Variants in GTF2E2 observed in about 807,000 individuals in gnomAD.
The protein encoded by GTF2E2 is transcription initiation factor IIE subunit beta.
GTF2E2 carries 21 observed loss-of-function variants against 40.5 expected under a neutral mutation model. The ratio of observed to expected loss-of-function variants is 0.52; its 90% confidence interval spans 0.37 to 0.75. GTF2E2 has a LOEUF of 0.75. Ranked by LOEUF, GTF2E2 falls within the 30% of genes least tolerant of loss-of-function variation. The pLI is 0.00. For missense variants in GTF2E2, 298 were observed against 338.4 expected, an observed-to-expected ratio of 0.88 and a Z score of 0.94; for synonymous variants, 117 against 121.6, an observed-to-expected ratio of 0.96 and a Z score of 0.25.
At chr8:30,629,688 C>CAAAAAA (rs10707910) in intron 3 of GTF2E2, among the ~76,000 whole-genome samples, 1 of 70,976 alleles carries the variant, frequency 1.4e-5, no homozygotes, top group African/African-American at 5.9e-5. Context: ...GATTCCATCT[C>CAAAAAA]AAAAAAAAAA....
chr8:30,632,638 T>C (rs1287978456), intron 3 of GTF2E2, among the ~76,000 whole-genome samples: 3 of 152,166 alleles, frequency 2.0e-5, no homozygotes, highest in Non-Finnish European at 4.4e-5. Flanking sequence ...AAAGTACCTA[T>C]GAAGGGAGGG....
At chr8:30,648,198 G>A (rs943142472) in intron 2 of GTF2E2, among the ~76,000 whole-genome samples, 8 of 152,194 alleles carry the variant, frequency 5.3e-5, no homozygotes, top group Admixed American at 1.3e-4. Flanking sequence ...CATGTTGGAG[G>A]AGCTACAAGT....
Position 30,633,058 on chromosome 8 carries a change from A to C in GTF2E2, c.258+1974T>G, listed in dbSNP as rs1801488396. Among the ~76,000 whole-genome samples, 4 of 152,224 alleles carry C rather than the reference A, an allele frequency of 2.6e-5. 1 individual carries two copies. In the South Asian group the frequency reaches 8.3e-4, roughly 31 times the overall value. ...ACAAAGTGAATTTAATCAAAATTTT[A>C]ATCTATGTATGTTATTCTAATCAAC... On this transcript the variant is annotated intron_variant, in intron 3 of 7. Transcript: ENST00000355904.
At chr8:30,594,639 C>A (rs1185023826) in intron 6 of GTF2E2, among the ~76,000 whole-genome samples, 2 of 151,570 alleles carry the variant, frequency 1.3e-5, no homozygotes, top group African/African-American at 4.8e-5. Context: ...GGGAAGATCG[C>A]CTGAGGTCAG....
intron 6 of GTF2E2, chr8:30,584,835 A>G (rs1265108836): frequency 6.6e-6 from 1 of 152,198 alleles, no homozygotes; most frequent in Non-Finnish European, 1.5e-5. Flanking sequence ...TTCCTGCACA[A>G]AGTGGTGCAA....
rs772498106 is a variant in GTF2E2 at position 30,635,048 on chromosome 8, A to C, written c.242T>G (p.Ile81Ser). 3 of 1,593,760 alleles carry C rather than the reference A, an allele frequency of 1.9e-6. No individual in the cohort carries two copies. Among genetic ancestry groups the C allele is most frequent in the Non-Finnish European group, 2.6e-6 (3 of 1,162,880 alleles). The change falls in exon 3 of 8, where the codon ATT becomes AGT. Residue 81 changes from isoleucine to serine, a missense_variant. By Grantham distance (142) the Ile-to-Ser change is moderately radical. Coordinates refer to ENST00000355904, the MANE Select transcript of GTF2E2 (RefSeq NM_002095.6). The part of the protein sequence containing the change: ...SGYKFGVLAK[I>S]VNYMKTRHQR... The stretch of plus-strand genomic sequence containing the variant: ...AGTACTTACCTTCATGTAATTCACA[A>C]TCTTAGCAAGAACACCAAACTTATA...
intron 2 of GTF2E2, among the ~76,000 whole-genome samples, chr8:30,646,376 A>C (rs1467428000): frequency 6.6e-6 from 1 of 151,372 alleles, no homozygotes; most frequent in African/African-American, 2.4e-5. Flanking sequence ...AAAAAAGGTC[A>C]AAAGATAGGG....
chr8:30,607,202 CAAAAA>C, intron 5 of GTF2E2, 52 bp from the exon 6 acceptor site: 1 of 483,226 alleles, frequency 2.1e-6, no homozygotes, highest in South Asian at 3.8e-5. Flanking sequence ...ATTACCTCAC[CAAAAA>C]AAAAAAAAAT....
chr8:30,592,349 C>T (rs929530159), intron 6 of GTF2E2, among the ~76,000 whole-genome samples: 9 of 152,212 alleles, frequency 5.9e-5, no homozygotes, highest in Non-Finnish European at 1.0e-4. Flanking sequence ...CACTGCACTC[C>T]AGCCTATACA....
At chr8:30,635,826 G>T (rs1247646850) in intron 2 of GTF2E2, among the ~76,000 whole-genome samples, 1 of 152,094 alleles carries the variant, frequency 6.6e-6, no homozygotes, top group Non-Finnish European at 1.5e-5. Flanking sequence ...TCTGAGGGAA[G>T]AAAAGTTCAA....
At chr8:30,653,723 G>C in intron 1 of GTF2E2, 121 bp from the exon 2 acceptor site, 1 of 668,390 alleles carries the variant, frequency 1.5e-6, no homozygotes, top group Non-Finnish European at 2.5e-6. Context: ...TAGTTCTCTA[G>C]CACTTGCATT....
chr8:30,591,141 AAAC>A (rs1457436644), intron 6 of GTF2E2, among the ~76,000 whole-genome samples: 1 of 152,202 alleles, frequency 6.6e-6, no homozygotes, highest in East Asian at 1.9e-4. Context: ...TAAAAGCACA[AAAC>A]AATTTTTTAA....
chr8:30,593,130 G>A (rs1441267022), intron 6 of GTF2E2, among the ~76,000 whole-genome samples: 1 of 152,206 alleles, frequency 6.6e-6, no homozygotes. Flanking sequence ...GGAGGAGGTT[G>A]CAGTGAGCTG....
At chr8:30,622,006 G>A (rs892719075) in intron 3 of GTF2E2, among the ~76,000 whole-genome samples, 3 of 151,382 alleles carry the variant, frequency 2.0e-5, no homozygotes. Flanking sequence ...AAAGTTCTAG[G>A]GTACATGTGC....
intron 6 of GTF2E2, among the ~76,000 whole-genome samples, chr8:30,598,075 C>T (rs907272196): frequency 2.6e-5 from 4 of 152,164 alleles, no homozygotes; most frequent in Non-Finnish European, 5.9e-5. Flanking sequence ...AAAACTGTAT[C>T]CATTTCTTTA....
At chr8:30,640,393 CAAATGGGAGTAAACATATCA>C (rs1382663410) in intron 2 of GTF2E2, among the ~76,000 whole-genome samples, 6 of 152,072 alleles carry the variant, frequency 3.9e-5, no homozygotes, top group South Asian at 2.1e-4. Flanking sequence ...GTAAACATAT[CAAATGGGAGTAAACATATCA>C]AAATGGGAGT....
chr8:30,607,027 C>T (rs758182474), intron 6 of GTF2E2, 30 bp downstream of exon 6: 1 of 796,246 alleles, frequency 1.3e-6, no homozygotes, highest in South Asian at 1.8e-5. Flanking sequence ...AATATACTTG[C>T]AAACTAAAGT....
chr8:30,584,801 T>A (rs1165085180), intron 6 of GTF2E2: 1 of 152,234 alleles, frequency 6.6e-6, no homozygotes, highest in Non-Finnish European at 1.5e-5. Flanking sequence ...CCAGATGGCC[T>A]GGCTGTGACC....
At chr8:30,620,718 AAG>A (rs1801069393) in intron 3 of GTF2E2, among the ~76,000 whole-genome samples, 1 of 7,456 alleles carries the variant, frequency 1.3e-4, no homozygotes, top group African/African-American at 3.1e-3. Flanking sequence ...TGAGTTCAGT[AAG>A]TAGTTCAAGG....
Sources: gnomAD v4.1 joint callset for allele counts (sites outside exome capture counted in the v4.1 genomes callset) on GRCh38, gnomAD v4.1.1 for gene constraint, MANE v1.5 for transcripts, NCBI Gene and HGNC (gene_info 2026-07-23, HGNC 2026-07-21) for gene names.